Variants in ABCC3 observed in about 807,000 individuals in gnomAD.
ABCC3 encodes the protein ATP binding cassette subfamily C member 3, also known as ATP-binding cassette sub-family C member 3.
ABCC3 carries 121 observed loss-of-function variants against 165.3 expected under a neutral mutation model. That is an observed-to-expected ratio of 0.73 (90% CI 0.63 to 0.85). The LOEUF is 0.85. Among genes scored for constraint, ABCC3 ranks in the 40% least tolerant of loss-of-function variants. The probability of loss-of-function intolerance (pLI) is 0.00; values close to 1 mark genes in which losing one functional copy is unlikely to be tolerated. For missense variants in ABCC3, 1,869 were observed against 1,964.1 expected (o/e 0.95, Z 0.92); for synonymous variants, 733 against 810.1 (o/e 0.90, Z 1.62).
rs140077054 is a variant in ABCC3 at position 50,655,864 on chromosome 17, G to A, written c.78G>A (p.Pro26=). 2.9e-5 allele frequency: 47 copies of A among 1,613,814 alleles called. No homozygotes were observed. The highest frequency in any genetic ancestry group is 1.6e-4 in the Middle Eastern group (1 of 6,084). ...ACCTGTCTGTGCACACAGAAAACCC[G>A]GACCTCACTCCCTGCTTCCAGAACT... is the stretch of plus-strand genomic sequence containing the variant. ...DSNLSVHTEN[P]DLTPCFQNSL... The change falls in exon 2 of 31, where the codon CCG becomes CCA. Residue 26 remains proline, a synonymous_variant. Transcript: ENST00000285238.
chr17:50,689,020 T>C (rs896165899), intron 30 of ABCC3, among the ~76,000 whole-genome samples: 10 of 151,968 alleles, frequency 6.6e-5, no homozygotes, highest in African/African-American at 2.4e-4. Context: ...CTGGCCAACA[T>C]GGTGAAACCC....
At chr17:50,688,573 T>C (rs2146648590) in intron 30 of ABCC3, 1 of 152,222 alleles carries the variant, frequency 6.6e-6, no homozygotes, top group East Asian at 1.9e-4. Flanking sequence ...CAAATGAAAA[T>C]GATGCTTCGT....
In ABCC3 at chr17:50,687,710, C is replaced by T. The variant is rs1473539362; in HGVS notation, c.4455C>T (p.Asn1485=). 2.5e-6 allele frequency: 4 copies of T among 1,614,088 alleles called. No individual in the cohort carries two copies. The highest frequency in any genetic ancestry group is 1.1e-5 in the South Asian group (1 of 91,092). Residue 1485 remains asparagine, a synonymous_variant, in exon 30 of 31, where the codon AAC becomes AAT. Transcript: ENST00000285238. ...TCCTGACCATCGCACACCGGCTTAA[C>T]ACTATCATGGACTACACCAGGTGGG... ...CTVLTIAHRL[N]TIMDYTRVLV...
chr17:50,640,167 G>T (rs576906533), intron 1 of ABCC3, among the ~76,000 whole-genome samples: 30 of 152,336 alleles, frequency 2.0e-4, no homozygotes, highest in African/African-American at 6.5e-4. Flanking sequence ...AGCTCTGTGA[G>T]AATAATTGCA....
chr17:50,673,725 A>C, intron 19 of ABCC3, 67 bp downstream of exon 19: 1 of 1,527,582 alleles, frequency 6.5e-7, no homozygotes, highest in Middle Eastern at 1.7e-4. Flanking sequence ...GGGGTCTCTG[A>C]GTGTGTCTAG....
At chr17:50,643,632 C>T (rs1268248934) in intron 1 of ABCC3, 2 of 456,130 alleles carry the variant, frequency 4.4e-6, no homozygotes. Flanking sequence ...GGGGATCTCT[C>T]TAGGAGGAAG....
At chr17:50,677,971 C>T (rs1967857174) in intron 24 of ABCC3, 28 bp downstream of exon 24, 1 of 1,614,126 alleles carries the variant, frequency 6.2e-7, no homozygotes, top group East Asian at 2.2e-5. Context: ...TCGCTCCCTG[C>T]TCCTCCAGGA....
At chr17:50,645,371 C>CAAAA (rs141598761) in intron 1 of ABCC3, among the ~76,000 whole-genome samples, 3 of 46,866 alleles carry the variant, frequency 6.4e-5, no homozygotes, top group African/African-American at 9.0e-5. Context: ...AAGATTCCAT[C>CAAAA]AAAAAAAAAA....
At chr17:50,686,484 C>G (rs948580681) in intron 29 of ABCC3, among the ~76,000 whole-genome samples, 38 of 152,130 alleles carry the variant, frequency 2.5e-4, no homozygotes, top group African/African-American at 8.9e-4. Flanking sequence ...GCCCTTAAGA[C>G]TAAATATGCA....
chr17:50,687,567 C>G lies in ABCC3; in HGVS notation c.4312C>G (p.Arg1438Gly), dbSNP rs747825449. ...VGQRQLVCLA[R>G]ALLRKSRILV... ...CCAGAGGCAGCTCGTGTGCCTGGCC[C>G]GAGCCCTGCTCCGCAAGAGCCGCAT... Residue 1438 changes from arginine (R) to glycine (G), a missense_variant, in exon 30 of 31, where the codon CGA becomes GGA. Coordinates refer to ENST00000285238, the MANE Select transcript of ABCC3 (RefSeq NM_003786.4). 2 of 1,613,862 alleles carry G rather than the reference C, an allele frequency of 1.2e-6. No individual in the cohort carries two copies.
intron 26 of ABCC3, 22 bp downstream of exon 26, chr17:50,679,921 G>A: frequency 6.3e-7 from 1 of 1,593,354 alleles, no homozygotes; most frequent in South Asian, 1.1e-5. Context: ...CATGAGCCCG[G>A]GACAGGGGGA....
intron 2 of ABCC3, 80 bp from the exon 3 acceptor site, chr17:50,656,622 T>A: frequency 6.5e-7 from 1 of 1,527,450 alleles, no homozygotes; most frequent in South Asian, 1.3e-5. Context: ...TTCTGGTGGC[T>A]TCAGGTACAA....
chr17:50,683,459 C>A, intron 26 of ABCC3, 151 bp from the exon 27 acceptor site: 1 of 753,620 alleles, frequency 1.3e-6, no homozygotes, highest in Non-Finnish European at 1.9e-6. Flanking sequence ...ATAAAGGAGT[C>A]ATTGAACACA....
At chr17:50,638,374 GA>G (rs1423605761) in intron 1 of ABCC3, among the ~76,000 whole-genome samples, 1 of 152,196 alleles carries the variant, frequency 6.6e-6, no homozygotes, top group African/African-American at 2.4e-5. Flanking sequence ...TCCTGACCAT[GA>G]AAGCCATCCA....
rs1360948521 is a variant in ABCC3, at chr17:50,691,228, C to T, written c.*28C>T. ...TATATTCCTGAGATTTCCTCCTGGCCTTTCCTGGTTTTCATCAGGAAGGAA... is the reference window on the plus strand; with the variant it reads ...TATATTCCTGAGATTTCCTCCTGGCTTTTCCTGGTTTTCATCAGGAAGGAA... On this transcript the variant is annotated 3_prime_UTR_variant, in exon 31 of 31. Transcript: ENST00000285238. The T allele has an allele frequency of 6.4e-7, 1 of 1,565,818 alleles. No individual in the cohort carries two copies. Among genetic ancestry groups the T allele is most frequent in the Non-Finnish European group, 8.8e-7 (1 of 1,136,442 alleles).
rs776471472 is a variant in ABCC3, at chr17:50,675,467, A to G, written c.2705A>G (p.Gln902Arg). ...CCAGTCACCTATGTGGTCCAGAAGC[A>G]GTTTATGAGGTGAGTTCCTGAGAGC... is the stretch of plus-strand genomic sequence containing the variant. Reference protein sequence around the residue: ...NDPVTYVVQKQFMRQLSALSS... With the variant: ...NDPVTYVVQKRFMRQLSALSS... The change falls in exon 20 of 31, where the codon CAG becomes CGG. Residue 902 changes from glutamine to arginine, a missense_variant. Gln to Arg is a conservative substitution (Grantham distance 43). Transcript: ENST00000285238. 6.2e-7 allele frequency: 1 copy of G among 1,613,358 alleles called. No individual in the cohort carries two copies. Among genetic ancestry groups the G allele is most frequent in the South Asian group, 1.1e-5 (1 of 90,984 alleles).
chr17:50,665,650 T>A (rs1356405206), intron 11 of ABCC3, among the ~76,000 whole-genome samples: 1 of 151,344 alleles, frequency 6.6e-6, no homozygotes, highest in Non-Finnish European at 1.5e-5. Context: ...CTGTCACCCA[T>A]GCTGGAATGC....
At chr17:50,666,241 G>C (rs949457203) in intron 11 of ABCC3, among the ~76,000 whole-genome samples, 1 of 152,144 alleles carries the variant, frequency 6.6e-6, no homozygotes, top group Non-Finnish European at 1.5e-5. Context: ...GGAGGCCGAG[G>C]CAGGTGGATC....
At chr17:50,646,609 G>C (rs1486019514) in intron 1 of ABCC3, among the ~76,000 whole-genome samples, 1 of 152,212 alleles carries the variant, frequency 6.6e-6, no homozygotes, top group African/African-American at 2.4e-5. Flanking sequence ...GCACCAGGCA[G>C]GGGAATCAGC....
Sources: gnomAD v4.1 joint callset for allele counts (sites outside exome capture counted in the v4.1 genomes callset) on GRCh38, gnomAD v4.1.1 for gene constraint, MANE v1.5 for transcripts, NCBI Gene and HGNC (gene_info 2026-07-23, HGNC 2026-07-21) for gene names.